SLC24A2: variants seen among roughly 807,000 people sequenced by gnomAD.
SLC24A2 encodes the protein solute carrier family 24 member 2, also known as sodium/potassium/calcium exchanger 2.
SLC24A2 carries 36 observed loss-of-function variants against 62.0 expected under a neutral mutation model. That is an observed-to-expected ratio of 0.58 (90% CI 0.44 to 0.77). The LOEUF (loss-of-function observed/expected upper bound fraction) is 0.77. SLC24A2 is among the 30% of genes least tolerant of loss of function. SLC24A2 has a pLI of 0.00. For missense variants in SLC24A2, 846 were observed against 817.9 expected, an observed-to-expected ratio of 1.03 and a Z score of -0.42; for synonymous variants, 358 against 294.0, an observed-to-expected ratio of 1.22 and a Z score of -2.23.
At chr9:19,649,477 G>A (rs746904769) in intron 2 of SLC24A2, among the ~76,000 whole-genome samples, 3 of 152,076 alleles carry the variant, frequency 2.0e-5, no homozygotes, top group Non-Finnish European at 4.4e-5. Context: ...GATAGGGGTG[G>A]GGGTAGGGGG....
At chr9:20,081,473 T>A in the SLC24A2 span, among the ~76,000 whole-genome samples, 6 of 96,052 alleles carry the variant, frequency 6.2e-5, no homozygotes, top group Non-Finnish European at 7.5e-5. Context: ...CACTGGGGCT[T>A]GTTGAGGGGT....
chr9:19,577,570 C>T (rs534254712), intron 5 of SLC24A2, among the ~76,000 whole-genome samples: 23 of 152,190 alleles, frequency 1.5e-4, no homozygotes, highest in African/African-American at 3.4e-4. Context: ...TGTTTCTAAA[C>T]GAGTAAGGAA....
chr9:19,998,141 T>A, the SLC24A2 span, among the ~76,000 whole-genome samples: 1 of 152,204 alleles, frequency 6.6e-6, no homozygotes, highest in Admixed American at 6.5e-5. Flanking sequence ...GTCTTCACAA[T>A]GAAACAACAA....
chr9:20,032,977 TC>T, the SLC24A2 span, among the ~76,000 whole-genome samples: 1 of 152,144 alleles, frequency 6.6e-6, no homozygotes, highest in African/African-American at 2.4e-5. Context: ...CCTTTTGGGG[TC>T]AAAAATACCT....
the SLC24A2 span, among the ~76,000 whole-genome samples, chr9:19,946,247 G>A: frequency 1.1e-4 from 17 of 152,278 alleles, no homozygotes; most frequent in Non-Finnish European, 2.1e-4. Context: ...CCTAATTAAT[G>A]AGTCTGATTC....
chr9:19,598,039 G>A (rs1431610110), intron 4 of SLC24A2, among the ~76,000 whole-genome samples: 1 of 152,200 alleles, frequency 6.6e-6, no homozygotes, highest in Non-Finnish European at 1.5e-5. Context: ...GGCAGAATGT[G>A]AGCTGTTTTG....
chr9:20,022,914 G>A, the SLC24A2 span, among the ~76,000 whole-genome samples: 9 of 152,310 alleles, frequency 5.9e-5, no homozygotes, highest in South Asian at 1.0e-3. Flanking sequence ...CCACATTAAT[G>A]TATTTGACTA....
chr9:19,814,046 A>G, the SLC24A2 span, among the ~76,000 whole-genome samples: 1 of 152,100 alleles, frequency 6.6e-6, no homozygotes, highest in Non-Finnish European at 1.5e-5. Flanking sequence ...GTAGCCCCTT[A>G]ATGGCTTTAA....
the SLC24A2 span, among the ~76,000 whole-genome samples, chr9:20,127,444 C>G: frequency 6.6e-6 from 1 of 152,066 alleles, no homozygotes; most frequent in African/African-American, 2.4e-5. Flanking sequence ...AGAAAAACTT[C>G]TAAGCACAAA....
chr9:20,303,680 G>T, the SLC24A2 span, among the ~76,000 whole-genome samples: 1 of 152,182 alleles, frequency 6.6e-6, no homozygotes, highest in Non-Finnish European at 1.5e-5. Flanking sequence ...TCCTTCAAGA[G>T]TAGAAGTCTT....
At chr9:19,800,096 A>G in the SLC24A2 span, among the ~76,000 whole-genome samples, 14 of 152,078 alleles carry the variant, frequency 9.2e-5, no homozygotes, top group Admixed American at 9.2e-4. Context: ...TTCTCTTCTT[A>G]TAAAGACACC....
chr9:20,188,018 C>G, the SLC24A2 span, among the ~76,000 whole-genome samples: 16 of 152,214 alleles, frequency 1.1e-4, no homozygotes, highest in Non-Finnish European at 1.9e-4. Flanking sequence ...TAGCACAGTA[C>G]TTGGCACATC....
chr9:20,197,764 T>A, the SLC24A2 span, among the ~76,000 whole-genome samples: 36,991 of 151,920 alleles, frequency 0.24, 5,654 homozygotes, highest in East Asian at 0.65. Context: ...ACAATAACAT[T>A]ACCTTTGTCA....
At chr9:19,833,921 T>C in the SLC24A2 span, among the ~76,000 whole-genome samples, 2 of 152,126 alleles carry the variant, frequency 1.3e-5, no homozygotes, top group Non-Finnish European at 1.5e-5. Flanking sequence ...GGTTCACCAA[T>C]ATCCGCTGTT....
In SLC24A2 at chr9:19,515,770, T is replaced by G; in HGVS notation, c.*383A>C. The stretch of plus-strand genomic sequence containing the variant: ...ATCTATAGGTATGCAAGGAGAGGTA[T>G]AGTACAGGAACAGGCAGGATTTGTG... On this transcript the variant is annotated 3_prime_UTR_variant, in exon 11 of 11. Transcript: ENST00000341998. 3.5e-6 allele frequency: 1 copy of G among 286,004 alleles called. No individual in the cohort carries two copies. The highest frequency in any genetic ancestry group is 6.9e-6 in the Non-Finnish European group (1 of 144,598). 17.7% of individuals were successfully genotyped at this position (286,004 alleles called of 1,614,324 possible). A position where few individuals can be genotyped will look rare whatever the true frequency, so the allele number is the denominator to read the frequency against.
the SLC24A2 span, among the ~76,000 whole-genome samples, chr9:20,235,480 T>G: frequency 2.6e-5 from 4 of 152,226 alleles, no homozygotes; most frequent in African/African-American, 9.6e-5. Flanking sequence ...TGATCTCGGA[T>G]TGCTGTGCTA....
At chr9:20,144,739 T>A in the SLC24A2 span, among the ~76,000 whole-genome samples, 1 of 152,148 alleles carries the variant, frequency 6.6e-6, no homozygotes, top group South Asian at 2.1e-4. Context: ...TGCTTGGATT[T>A]AACTATACGG....
At chr9:20,218,706 T>C in the SLC24A2 span, among the ~76,000 whole-genome samples, 2 of 152,196 alleles carry the variant, frequency 1.3e-5, no homozygotes, top group African/African-American at 2.4e-5. Context: ...AGGGTGCCCA[T>C]ATCTTTTAAT....
the SLC24A2 span, among the ~76,000 whole-genome samples, chr9:20,212,884 T>C: frequency 1.3e-5 from 2 of 151,726 alleles, no homozygotes; most frequent in Admixed American, 1.3e-4. Flanking sequence ...GACCACACCG[T>C]TTAAAAAATT....
Sources: gnomAD v4.1 joint callset for allele counts (sites outside exome capture counted in the v4.1 genomes callset) on GRCh38, gnomAD v4.1.1 for gene constraint, MANE v1.5 for transcripts, NCBI Gene and HGNC (gene_info 2026-07-23, HGNC 2026-07-21) for gene names.